The following ZNF683 variants were observed in gnomAD, a reference collection of about 807,000 sequenced individuals.
The protein encoded by ZNF683 is zinc finger protein 683.
ZNF683 carries 20 observed loss-of-function variants against 31.4 expected under a neutral mutation model. The ratio of observed to expected loss-of-function variants is 0.64; its 90% CI spans 0.45 to 0.93. The LOEUF (loss-of-function observed/expected upper bound fraction) is 0.93, where lower values mean the gene tolerates loss of function less well. ZNF683 is among the 40% of genes least tolerant of loss of function. The probability of loss-of-function intolerance (pLI) is 0.00; values close to 1 mark genes in which losing one functional copy is unlikely to be tolerated. For synonymous variants in ZNF683, 264 were observed against 267.6 expected, an observed-to-expected ratio of 0.99 and a Z score of 0.13; for missense variants, 621 against 637.2, an observed-to-expected ratio of 0.97 and a Z score of 0.27.
At chr1:26,363,265 G>A in intron 4 of ZNF683, 111 bp from the exon 5 acceptor site, 1 of 1,361,862 alleles carries the variant, frequency 7.3e-7, no homozygotes, top group South Asian at 1.4e-5. Context: ...ATCTCCCTCA[G>A]GGCCCATCAT....
chr1:26,367,541 C>T (rs931507197), intron 3 of ZNF683, 52 bp downstream of exon 3: 2 of 1,471,188 alleles, frequency 1.4e-6, no homozygotes, highest in African/African-American at 1.4e-5. Context: ...GCAGTGCCCC[C>T]CACCCTCCAG....
chr1:26,362,011 C>CT lies in ZNF683; in HGVS notation c.1154dup (p.Arg386AlafsTer7). The stretch of plus-strand genomic sequence containing the variant: ...TGAGGTTACTGGAGCTGCTGAAGCG[C>CT]TTGTGGCACACCTGACGGGAACGAG... On this transcript the variant is annotated frameshift_variant, in exon 6 of 6. Coordinates refer to ENST00000349618, the MANE Select transcript of ZNF683 (RefSeq NM_001114759.3). LOFTEE classifies it low-confidence loss of function (END_TRUNC). The CT allele has an allele frequency of 6.2e-7, 1 of 1,613,772 alleles. No individual in the cohort carries two copies.
upstream of ZNF683, chr1:26,374,237 C>T (rs201628146): frequency 3.8e-5 from 50 of 1,303,156 alleles, no homozygotes; most frequent in Middle Eastern, 1.1e-3. Context: ...TGAGGGGCAC[C>T]GAGTGAAGTT....
chr1:26,374,360 T>C, upstream of ZNF683: 1 of 1,292,964 alleles, frequency 7.7e-7, no homozygotes, highest in East Asian at 5.6e-5. Context: ...ACAACCTCTC[T>C]GTTAGAAAAA....
chr1:26,374,374 A>T, upstream of ZNF683: 4 of 1,289,292 alleles, frequency 3.1e-6, no homozygotes, highest in East Asian at 5.7e-5. Flanking sequence ...AGAAAAAAAT[A>T]AAAAAGGAAA....
chr1:26,366,969 T>C (rs1288699254), intron 3 of ZNF683, among the ~76,000 whole-genome samples: 1 of 152,200 alleles, frequency 6.6e-6, no homozygotes, highest in East Asian at 1.9e-4. Context: ...AGTACTTTTA[T>C]AAGATCCCTC....
chr1:26,361,679 A>C lies in ZNF683; in HGVS notation c.1487T>G (p.Leu496Arg). The C allele has an allele frequency of 6.2e-7, 1 of 1,613,396 alleles. No individual in the cohort carries two copies. The highest frequency in any genetic ancestry group is 8.5e-7 in the Non-Finnish European group (1 of 1,179,572). Residue 496 changes from leucine (L) to arginine (R), a missense_variant, in exon 6 of 6, where the codon CTG becomes CGG. Leu to Arg is a moderately radical substitution (Grantham distance 102, BLOSUM62 -2). Transcript: ENST00000349618. ...ATTGTTCTGGTCCTGCCCCATCACC[A>C]GGGGAGTCCCGGCACTGCTCAGGCT... Reference protein sequence around the residue: ...AVSLSSAGTPLVMGQDQNN With the variant: ...AVSLSSAGTPRVMGQDQNN
intron 3 of ZNF683, among the ~76,000 whole-genome samples, chr1:26,365,755 A>G (rs1271353544): frequency 6.6e-6 from 1 of 152,242 alleles, no homozygotes; most frequent in Admixed American, 6.5e-5. Context: ...TAAAAAATAA[A>G]CTGTCAGCCA....
intron 5 of ZNF683, chr1:26,362,286 T>C: frequency 9.4e-7 from 1 of 1,061,118 alleles, no homozygotes; most frequent in East Asian, 2.6e-5. Context: ...GTAACATTGG[T>C]TATTAATACC....
intron 1 of ZNF683, chr1:26,370,771 G>A (rs773769771): frequency 4.1e-6 from 4 of 977,210 alleles, no homozygotes; most frequent in Non-Finnish European, 4.9e-6. Flanking sequence ...AGAGATGGCA[G>A]GAAGGTGTTA....
intron 5 of ZNF683, 98 bp downstream of exon 5, chr1:26,362,928 G>A: frequency 1.4e-6 from 2 of 1,458,296 alleles, no homozygotes; most frequent in Non-Finnish European, 1.9e-6. Context: ...ACTTGCTCAG[G>A]AGGACTGGGG....
chr1:26,370,533 C>A (rs1290534484), intron 1 of ZNF683: 1 of 562,604 alleles, frequency 1.8e-6, no homozygotes, highest in African/African-American at 2.0e-5. Context: ...CCCCTCAGAC[C>A]CTAAGACCCT....
intron 4 of ZNF683, among the ~76,000 whole-genome samples, chr1:26,363,695 G>A (rs896606546): frequency 6.7e-6 from 1 of 148,242 alleles, no homozygotes; most frequent in African/African-American, 2.5e-5. Context: ...TTAAGCCCAG[G>A]AGTTTGAGAC....
upstream of ZNF683, chr1:26,374,460 G>A: frequency 8.7e-7 from 1 of 1,146,388 alleles, no homozygotes; most frequent in African/African-American, 1.6e-5. Flanking sequence ...GAGGTGGGCT[G>A]AGGACAGACT....
In ZNF683 at chr1:26,364,793, C is replaced by T. The variant is rs1297565492; in HGVS notation, c.753G>A (p.Glu251=). The change falls in exon 4 of 6, where the codon GAG becomes GAA. Residue 251 remains glutamate, a synonymous_variant. Coordinates refer to ENST00000349618, the MANE Select transcript of ZNF683 (RefSeq NM_001114759.3). ...NELGHPSARW[E]TLLPYPGAFQ... Reference sequence around the variant, plus strand: ...AGGCCCCTGGGTAGGGAAGCAGGGTCTCCCACCGAGCGCTGGGGTGCCCCA... The same window carrying T: ...AGGCCCCTGGGTAGGGAAGCAGGGTTTCCCACCGAGCGCTGGGGTGCCCCA... The T allele has an allele frequency of 6.3e-7, 1 of 1,592,394 alleles. No individual in the cohort carries two copies. The highest frequency in any genetic ancestry group is 8.5e-7 in the Non-Finnish European group (1 of 1,171,132).
intron 5 of ZNF683, 92 bp from the exon 6 acceptor site, chr1:26,362,114 A>G: frequency 6.3e-7 from 1 of 1,593,080 alleles, no homozygotes; most frequent in Admixed American, 1.7e-5. Context: ...CCCATGACCC[A>G]CCTCTCTTTC....
At chr1:26,366,404 A>C (rs1013122141) in intron 3 of ZNF683, among the ~76,000 whole-genome samples, 1 of 151,158 alleles carries the variant, frequency 6.6e-6, no homozygotes, top group Admixed American at 6.6e-5. Context: ...TTATTTACTC[A>C]ATCAATCTCA....
chr1:26,365,328 G>A (rs2074497087), intron 3 of ZNF683, 102 bp from the exon 4 acceptor site: 1 of 1,212,762 alleles, frequency 8.2e-7, no homozygotes, highest in Non-Finnish European at 1.1e-6. Context: ...CCTCCAGCCT[G>A]CGAGCCTGCT....
Position 26,367,761 on chromosome 1 carries a change from C to A in ZNF683, c.151G>T (p.Asp51Tyr). The change falls in exon 3 of 6, where the codon GAT becomes TAT. Residue 51 changes from aspartate (D) to tyrosine (Y), a missense_variant. Physicochemically the swap from Asp to Tyr is radical, Grantham distance 160. Coordinates refer to ENST00000349618, the MANE Select transcript of ZNF683 (RefSeq NM_001114759.3). ...SACRPLPDMV[D>Y]AHGPSCASWL... The stretch of plus-strand genomic sequence containing the variant: ...CTGGCACAGGATGGGCCATGAGCAT[C>A]CACCATGTCTGGAAGTGGTCTGCAG... The A allele has an allele frequency of 6.2e-7, 1 of 1,606,042 alleles. No homozygotes were observed. Among genetic ancestry groups the A allele is most frequent in the Non-Finnish European group, 8.5e-7 (1 of 1,175,402 alleles).
Sources: allele counts gnomAD v4.1 joint callset (sites outside exome capture counted in the v4.1 genomes callset), GRCh38; gene constraint gnomAD v4.1.1; transcripts MANE v1.5; gene names NCBI Gene and HGNC (gene_info 2026-07-23, HGNC 2026-07-21).